The following KIAA0232 variants were observed in gnomAD, a reference collection of about 807,000 sequenced individuals.
KIAA0232 encodes KIAA0232.
KIAA0232 carries 27 observed loss-of-function variants against 122.0 expected under a neutral mutation model. That is an observed-to-expected ratio of 0.22 (90% CI 0.16 to 0.31). The LOEUF (loss-of-function observed/expected upper bound fraction) is 0.31, where lower values mean the gene tolerates loss of function less well. Ranked by LOEUF, KIAA0232 falls within the 10% of genes least tolerant of loss-of-function variation. The pLI, the probability that KIAA0232 is intolerant of heterozygous loss-of-function variation, is 1.00. For synonymous variants in KIAA0232, 613 were observed against 587.6 expected, an observed-to-expected ratio of 1.04 and a Z score of -0.63; for missense variants, 1,551 against 1,634.2, an observed-to-expected ratio of 0.95 and a Z score of 0.88.
intron 3 of KIAA0232, among the ~76,000 whole-genome samples, chr4:6,835,937 A>G (rs1475429718): frequency 6.6e-6 from 1 of 152,178 alleles, no homozygotes; most frequent in Non-Finnish European, 1.5e-5. Context: ...ATACATGTGC[A>G]TGTGTCTTTA....
At position 6,855,859 on chromosome 4, in the gene KIAA0232, G is replaced by A. The variant is rs1235036991; in HGVS notation, c.370-1305G>A. 100 of 985,234 alleles carry A rather than the reference G, an allele frequency of 1.0e-4. No homozygotes were observed. The highest frequency in any genetic ancestry group is 1.2e-4 in the Non-Finnish European group (99 of 829,886). The allele number at this position is 985,234 out of a possible 1,614,324, so 61.0% of individuals were successfully genotyped here. On this transcript the variant is annotated intron_variant, in intron 4 of 9. Transcript: ENST00000307659. This position sits in a 1 kb window ranked among gnomAD's most constrained non-coding sequence, Gnocchi z 4.3. ...GTTGGTTTCACGATCCGAAGGAAAT[G>A]GAATATAATTGCCGTCCTTGTCACA...
chr4:6,803,527 T>A (rs1184164306), intron 1 of KIAA0232, among the ~76,000 whole-genome samples: 2 of 152,298 alleles, frequency 1.3e-5, no homozygotes, highest in East Asian at 3.9e-4. Flanking sequence ...AAGGATTCAT[T>A]TGGATAAGAT....
chr4:6,786,197 T>G (rs767498377), intron 1 of KIAA0232, among the ~76,000 whole-genome samples: 4 of 152,246 alleles, frequency 2.6e-5, no homozygotes, highest in Non-Finnish European at 4.4e-5. Flanking sequence ...AGTGTTTAAA[T>G]GTTTGCTAAA....
At chr4:6,795,247 A>G (rs571112713) in intron 1 of KIAA0232, among the ~76,000 whole-genome samples, 1 of 151,914 alleles carries the variant, frequency 6.6e-6, no homozygotes, top group African/African-American at 2.4e-5. Flanking sequence ...ATTTTTTTGT[A>G]TTTTTTAGTA....
At chr4:6,835,057 C>CA (rs1719190404) in intron 3 of KIAA0232, among the ~76,000 whole-genome samples, 1 of 152,158 alleles carries the variant, frequency 6.6e-6, no homozygotes, top group South Asian at 2.1e-4. Context: ...ACTCAGCTGA[C>CA]AGACAGGCTG....
At chr4:6,830,190 T>G (rs1718891554) in intron 3 of KIAA0232, among the ~76,000 whole-genome samples, 1 of 152,100 alleles carries the variant, frequency 6.6e-6, no homozygotes, top group African/African-American at 2.4e-5. Context: ...TTAATCTTCC[T>G]TACACCATCC....
intron 1 of KIAA0232, among the ~76,000 whole-genome samples, chr4:6,787,707 T>A (rs935974310): frequency 6.6e-6 from 1 of 152,200 alleles, no homozygotes; most frequent in African/African-American, 2.4e-5. Flanking sequence ...GTTACTGTAG[T>A]CCTCCAACTG....
chr4:6,879,820 C>T (rs1239703337), intron 9 of KIAA0232, among the ~76,000 whole-genome samples: 4 of 83,696 alleles, frequency 4.8e-5, no homozygotes, highest in Admixed American at 1.0e-4. Flanking sequence ...CACCCATCTG[C>T]AGTGCCCCCC....
chr4:6,847,343 G>A (rs1053335037), intron 4 of KIAA0232, among the ~76,000 whole-genome samples: 4 of 152,216 alleles, frequency 2.6e-5, no homozygotes, highest in African/African-American at 4.8e-5. Context: ...ACTACACCGT[G>A]CCTCCACTTT....
chr4:6,832,422 C>G (rs1192396632), intron 3 of KIAA0232, among the ~76,000 whole-genome samples: 2 of 149,682 alleles, frequency 1.3e-5, no homozygotes, highest in Non-Finnish European at 3.0e-5. Context: ...GATCTCGGCT[C>G]ACTGCAACCT....
intron 9 of KIAA0232, among the ~76,000 whole-genome samples, chr4:6,877,233 CTG>C (rs1430448672): frequency 1.3e-5 from 2 of 152,304 alleles, no homozygotes; most frequent in East Asian, 1.9e-4. Context: ...CTCCTGCACT[CTG>C]TGCACGACTC....
intron 2 of KIAA0232, among the ~76,000 whole-genome samples, chr4:6,806,745 A>G (rs1401088381): frequency 2.0e-5 from 3 of 146,868 alleles, no homozygotes; most frequent in Admixed American, 6.7e-5. Flanking sequence ...CTCAAAAAAA[A>G]AAAAAAAAAA....
chr4:6,795,674 C>T (rs1717101626), intron 1 of KIAA0232, among the ~76,000 whole-genome samples: 2 of 152,176 alleles, frequency 1.3e-5, no homozygotes, highest in South Asian at 2.1e-4. Context: ...CTTCTTGCAG[C>T]CTTGGTCTCC....
rs1258273379 is a variant in KIAA0232, at chr4:6,880,883, A to G, written c.4105A>G (p.Thr1369Ala). The G allele has an allele frequency of 1.9e-6, 3 of 1,607,466 alleles. No individual in the cohort carries two copies. Among genetic ancestry groups the G allele is most frequent in the Non-Finnish European group, 2.5e-6 (3 of 1,176,966 alleles). The change falls in exon 10 of 10, where the codon ACC becomes GCC. Residue 1369 changes from threonine to alanine, a missense_variant. Around this residue, in one of 5 missense-constraint regions of KIAA0232, gnomAD observed 1,108 missense variants for 1,154.8 expected, o/e 0.96. Transcript: ENST00000307659. ...RGKMCSSASSTSEETGSEGGG... is the reference protein window; with the variant it reads ...RGKMCSSASSASEETGSEGGG... ...AAAGATGTGCTCCAGCGCCAGCTCC[A>G]CCTCGGAAGAGACAGGCTCAGAAGG...
chr4:6,865,457 G>A (rs775347802), intron 7 of KIAA0232, among the ~76,000 whole-genome samples: 2 of 152,096 alleles, frequency 1.3e-5, no homozygotes, highest in African/African-American at 2.4e-5. Context: ...GCGCCACCAC[G>A]CCCGGCTAAT....
intron 2 of KIAA0232, among the ~76,000 whole-genome samples, chr4:6,821,624 ATATATACGTGTATATAGATACGTG>A (rs1244994944): frequency 2.0e-5 from 3 of 151,920 alleles, no homozygotes; most frequent in Non-Finnish European, 4.4e-5. Flanking sequence ...ATATCTATAT[ATATATACGTGTATATAGATACGTG>A]TATATACGTG....
chr4:6,829,086 A>G (rs569103486), intron 3 of KIAA0232, among the ~76,000 whole-genome samples: 3 of 152,114 alleles, frequency 2.0e-5, no homozygotes, highest in Non-Finnish European at 2.9e-5. Flanking sequence ...CTGGCATCTC[A>G]TGACATGGAC....
At chr4:6,811,980 A>G (rs980301615) in intron 2 of KIAA0232, among the ~76,000 whole-genome samples, 2 of 152,058 alleles carry the variant, frequency 1.3e-5, no homozygotes, top group African/African-American at 4.8e-5. Context: ...GATTACATTG[A>G]AATGTAATGA....
In KIAA0232 at chr4:6,842,115, G is replaced by A. The variant is rs1719697473; in HGVS notation, c.280G>A (p.Gly94Arg). The A allele has an allele frequency of 6.2e-7, 1 of 1,613,164 alleles. No homozygotes were observed. The highest frequency in any genetic ancestry group is 8.5e-7 in the Non-Finnish European group (1 of 1,179,710). Reference protein sequence around the residue: ...GWEKGAYKKWGKSKKKCSDLT... With the variant: ...GWEKGAYKKWRKSKKKCSDLT... ...GGAAAAAGGAGCTTATAAGAAATGGGGAAAGAGTAAGAAAAAATGTTCAGA... is the reference window on the plus strand; with the variant it reads ...GGAAAAAGGAGCTTATAAGAAATGGAGAAAGAGTAAGAAAAAATGTTCAGA... Residue 94 changes from glycine to arginine, a missense_variant, in exon 4 of 10, where the codon GGA becomes AGA. Around this residue, in one of 5 missense-constraint regions of KIAA0232, gnomAD observed 377 missense variants for 381.7 expected, o/e 0.99. Coordinates refer to ENST00000307659, the MANE Select transcript of KIAA0232 (RefSeq NM_014743.3).
Sources: allele counts gnomAD v4.1 joint callset (sites outside exome capture counted in the v4.1 genomes callset), GRCh38; gene constraint gnomAD v4.1.1; regional missense constraint gnomAD v4.1.1; non-coding constraint Gnocchi (gnomAD v3.1); transcripts MANE v1.5; gene names NCBI Gene and HGNC (gene_info 2026-07-23, HGNC 2026-07-21).